The following CARM1 variants were observed in gnomAD, a reference collection of about 807,000 sequenced individuals.
The protein encoded by CARM1 is histone-arginine methyltransferase CARM1.
CARM1 carries 14 observed loss-of-function variants against 72.7 expected under a neutral mutation model. The ratio of observed to expected loss-of-function variants is 0.19; its 90% CI spans 0.13 to 0.30. The LOEUF (loss-of-function observed/expected upper bound fraction) is 0.30, where lower values mean the gene tolerates loss of function less well. CARM1 is among the 10% of genes least tolerant of loss of function. The pLI is 1.00. For synonymous variants in CARM1, 333 were observed against 345.5 expected, an observed-to-expected ratio of 0.96 and a Z score of 0.40; for missense variants, 432 against 833.7, an observed-to-expected ratio of 0.52 and a Z score of 5.93.
At chr19:10,889,716 A>G (rs2073967494) in intron 1 of CARM1, among the ~76,000 whole-genome samples, 1 of 152,084 alleles carries the variant, frequency 6.6e-6, no homozygotes, top group Admixed American at 6.6e-5. Flanking sequence ...TTGCCAATGC[A>G]TTTCCAAGCC....
At chr19:10,921,236 T>A in intron 14 of CARM1, 109 bp downstream of exon 14, 1 of 1,421,426 alleles carries the variant, frequency 7.0e-7, no homozygotes, top group Non-Finnish European at 9.9e-7. Context: ...TCCTTTCACC[T>A]TTTCCTCTTC....
intron 1 of CARM1, among the ~76,000 whole-genome samples, chr19:10,886,709 TA>T (rs1043586148): frequency 3.9e-5 from 6 of 151,960 alleles, no homozygotes; most frequent in African/African-American, 9.7e-5. Flanking sequence ...CAGGCACCTG[TA>T]ATCTCAGTTA....
chr19:10,921,210 G>C (rs1440103219), intron 14 of CARM1, 83 bp downstream of exon 14: 3 of 1,483,910 alleles, frequency 2.0e-6, no homozygotes, highest in African/African-American at 1.4e-5. Context: ...GGTGACCAGG[G>C]TCGGCCTCTG....
Position 10,922,950 on chromosome 19 carries a change from CG to C in CARM1, c.*1200del, listed in dbSNP as rs2074284274. 1.4e-4 allele frequency: 29 copies of C among 210,514 alleles called. No individual in the cohort carries two copies. The highest frequency in any genetic ancestry group is 2.5e-4 in the South Asian group (3 of 12,214). 13.0% of individuals were successfully genotyped at this position (210,514 alleles called of 1,614,324 possible). ...GCCATAGGAGGGAAAGCAGGTGGCC[CG>C]GGGGGGATATGGGGGCCCCAGCCCT... On this transcript the variant is annotated 3_prime_UTR_variant, in exon 16 of 16. Coordinates refer to ENST00000327064, the MANE Select transcript of CARM1 (RefSeq NM_199141.2).
chr19:10,894,624 A>G (rs2074010979), intron 1 of CARM1, among the ~76,000 whole-genome samples: 1 of 151,622 alleles, frequency 6.6e-6, no homozygotes, highest in African/African-American at 2.4e-5. Flanking sequence ...TGGTGGCTAC[A>G]GTTGTGTTCC....
chr19:10,912,155 C>CT lies in CARM1; in HGVS notation c.559-28dup. 6.4e-7 allele frequency: 1 copy of CT among 1,561,914 alleles called. No individual in the cohort carries two copies. Among genetic ancestry groups the CT allele is most frequent in the Non-Finnish European group, 8.8e-7 (1 of 1,132,358 alleles). ...TCCCCATCACCGTCGCCTCCTATGT[C>CT]TCGCTCTCACCTCCCACTCCTCCCT... On this transcript the variant is annotated intron_variant, in intron 4 of 15. Coordinates refer to ENST00000327064, the MANE Select transcript of CARM1 (RefSeq NM_199141.2). This position sits in a 1 kb window ranked among gnomAD's most constrained non-coding sequence, Gnocchi z 4.5.
chr19:10,911,221 G>C (rs2074148133), intron 4 of CARM1, among the ~76,000 whole-genome samples: 1 of 152,112 alleles, frequency 6.6e-6, no homozygotes, highest in Admixed American at 6.6e-5. Flanking sequence ...ATGGGAGCCT[G>C]TTTTTTTCCT....
At position 10,905,482 on chromosome 19, in the gene CARM1, C is replaced by T. The variant is rs1777043606; in HGVS notation, c.346+406C>T. 2.6e-5 allele frequency among the ~76,000 whole-genome samples: 4 copies of T among 152,284 alleles called. No homozygotes were observed. In the South Asian group the frequency reaches 8.3e-4, roughly 32 times the overall value. Reference sequence around the variant, plus strand: ...GAAGCCACCAGAAGGGCTTAACCAACCCACCTTGGGGGCACAGGTGGACAC... The same window carrying T: ...GAAGCCACCAGAAGGGCTTAACCAATCCACCTTGGGGGCACAGGTGGACAC... On this transcript the variant is annotated intron_variant, in intron 2 of 15. Coordinates refer to ENST00000327064, the MANE Select transcript of CARM1 (RefSeq NM_199141.2).
In CARM1 at chr19:10,912,021, G is replaced by A. The variant is rs1456956825; in HGVS notation, c.559-163G>A. On this transcript the variant is annotated intron_variant, in intron 4 of 15. Coordinates refer to ENST00000327064, the MANE Select transcript of CARM1 (RefSeq NM_199141.2). The surrounding 1 kb of genome is among the most constrained non-coding windows in gnomAD (Gnocchi z 4.5). Reference sequence around the variant, plus strand: ...TCTCCTCCCGGAGGACTGGCCCATGGCTCATCTTGAGTTCTCGCTTCATTT... The same window carrying A: ...TCTCCTCCCGGAGGACTGGCCCATGACTCATCTTGAGTTCTCGCTTCATTT... Among the ~76,000 whole-genome samples the A allele has an allele frequency of 6.6e-6, 1 of 152,182 alleles. No individual in the cohort carries two copies. Among genetic ancestry groups the A allele is most frequent in the Non-Finnish European group, 1.5e-5 (1 of 68,032 alleles).
rs1169565864 is a variant in CARM1 at position 10,873,624 on chromosome 19, G to GTTTTTTTT, written c.220+1728_220+1735dup. Among the ~76,000 whole-genome samples the GTTTTTTTT allele has an allele frequency of 1.8e-3, 85 of 47,350 alleles. 3 individuals carry two copies. The highest frequency in any genetic ancestry group is 1.9e-3 in the Non-Finnish European group (52 of 27,826). The allele number at this position is 47,350 out of a possible 152,430, so 31.1% of individuals were successfully genotyped here. On this transcript the variant is annotated intron_variant, in intron 1 of 15. Coordinates refer to ENST00000327064, the MANE Select transcript of CARM1 (RefSeq NM_199141.2). ...TTTTTTTTAGAACAATTTTAGTTTA[G>GTTTTTTTT]TTTTTTTTTTTTTTTTTTTTTTTTT... is the stretch of plus-strand genomic sequence containing the variant.
At position 10,923,056 on chromosome 19, in the gene CARM1, G is replaced by C; in HGVS notation, c.*1299G>C. 6.1e-6 allele frequency: 3 copies of C among 493,002 alleles called. No homozygotes were observed. The highest frequency in any genetic ancestry group is 7.1e-6 in the Non-Finnish European group (2 of 282,132). 30.5% of individuals were successfully genotyped at this position (493,002 alleles called of 1,614,324 possible). ...AATCACCTTTGCATAGAAAATAAAA[G>C]TGTTTGCTTTGTAAGAAAAGTCTGG... On this transcript the variant is annotated 3_prime_UTR_variant, in exon 16 of 16. Coordinates refer to ENST00000327064, the MANE Select transcript of CARM1 (RefSeq NM_199141.2).
chr19:10,880,211 A>G (rs1007926285), intron 1 of CARM1, among the ~76,000 whole-genome samples: 7 of 152,202 alleles, frequency 4.6e-5, no homozygotes, highest in African/African-American at 1.4e-4. Context: ...GTGAGTTTGC[A>G]AAGACATCCA....
rs199548496 is a variant in CARM1, at chr19:10,912,306, G to A, written c.669+12G>A. On this transcript the variant is annotated intron_variant, in intron 5 of 15. Coordinates refer to ENST00000327064, the MANE Select transcript of CARM1 (RefSeq NM_199141.2). The surrounding 1 kb of genome is among the most constrained non-coding windows in gnomAD (Gnocchi z 4.5). Reference sequence around the variant, plus strand: ...CCCAGCACGCTGAGGTCAGTGGCCCGCTGGTGCCCACCCAGCCTCGTCCTC... The same window carrying A: ...CCCAGCACGCTGAGGTCAGTGGCCCACTGGTGCCCACCCAGCCTCGTCCTC... The A allele has an allele frequency of 7.6e-6, 12 of 1,584,298 alleles. No homozygotes were observed. The East Asian group carries it at 1.1e-4, about 15-fold the overall frequency.
intron 1 of CARM1, among the ~76,000 whole-genome samples, chr19:10,882,526 C>G (rs972049293): frequency 6.7e-6 from 1 of 148,484 alleles, no homozygotes; most frequent in African/African-American, 2.5e-5. Context: ...ATCTCCAGTG[C>G]ACTCTGTCTT....
At chr19:10,872,483 A>C (rs989372548) in intron 1 of CARM1, among the ~76,000 whole-genome samples, 2 of 152,024 alleles carry the variant, frequency 1.3e-5, no homozygotes, top group Admixed American at 1.3e-4. Flanking sequence ...CCCGAATGGG[A>C]AACTTCAGGA....
intron 8 of CARM1, among the ~76,000 whole-genome samples, chr19:10,917,596 C>T (rs898863996): frequency 6.6e-6 from 1 of 152,158 alleles, no homozygotes; most frequent in Non-Finnish European, 1.5e-5. Flanking sequence ...ACTACGTCTG[C>T]CCCATTCTTT....
At chr19:10,902,870 C>G (rs1383597292) in intron 1 of CARM1, among the ~76,000 whole-genome samples, 1 of 152,148 alleles carries the variant, frequency 6.6e-6, no homozygotes, top group Non-Finnish European at 1.5e-5. Flanking sequence ...TCCCAAAGTA[C>G]TGGGATTACA....
chr19:10,898,709 C>T (rs1431623918), intron 1 of CARM1, among the ~76,000 whole-genome samples: 2 of 152,222 alleles, frequency 1.3e-5, no homozygotes, highest in African/African-American at 4.8e-5. Flanking sequence ...CTGTGCGTCC[C>T]GGGCCCCAAG....
At chr19:10,876,984 GGC>G (rs1242620338) in intron 1 of CARM1, among the ~76,000 whole-genome samples, 9 of 152,224 alleles carry the variant, frequency 5.9e-5, no homozygotes, top group African/African-American at 2.2e-4. Context: ...CTCCGTCAGG[GGC>G]TAAACTTCAG....
Sources: allele counts gnomAD v4.1 joint callset (sites outside exome capture counted in the v4.1 genomes callset), GRCh38; gene constraint gnomAD v4.1.1; non-coding constraint Gnocchi (gnomAD v3.1); transcripts MANE v1.5; gene names NCBI Gene and HGNC (gene_info 2026-07-23, HGNC 2026-07-21).